The following ACADM variants were observed in gnomAD, a reference collection of about 807,000 sequenced individuals.
The protein encoded by ACADM is acyl-CoA dehydrogenase medium chain, also known as medium-chain specific acyl-CoA dehydrogenase, mitochondrial.
Under a neutral mutation model 58.9 loss-of-function variants are expected in ACADM, and 49 were observed. The observed-to-expected ratio is 0.83, with a 90% CI of 0.66 to 1.06. The LOEUF is 1.06. Among genes scored for constraint, ACADM ranks in the 50% least tolerant of loss-of-function variants. ACADM has a pLI of 0.00. For synonymous variants in ACADM, 160 were observed against 157.7 expected (o/e 1.01, Z -0.11); for missense variants, 496 against 507.0 (o/e 0.98, Z 0.21).
intron 10 of ACADM, 119 bp downstream of exon 10, chr1:75,750,665 G>A: frequency 1.3e-6 from 1 of 776,982 alleles, no homozygotes; most frequent in Non-Finnish European, 2.2e-6. Flanking sequence ...AGAAGATAAT[G>A]TGGTTTTATC....
At chr1:75,731,592 A>G (rs900875149) in intron 2 of ACADM, among the ~76,000 whole-genome samples, 5 of 152,202 alleles carry the variant, frequency 3.3e-5, no homozygotes, top group South Asian at 2.1e-4. Context: ...TTTTAAAACA[A>G]TCCCTTATTT....
chr1:75,743,185 C>T (rs544389007), intron 7 of ACADM, among the ~76,000 whole-genome samples: 23 of 142,610 alleles, frequency 1.6e-4, no homozygotes, highest in African/African-American at 6.0e-4. Flanking sequence ...CTCTCTCTCT[C>T]AAGCCTAAGG....
At position 75,749,572 on chromosome 1, in the gene ACADM, G is replaced by A. The variant is rs371896160; in HGVS notation, c.849+13G>A. The stretch of plus-strand genomic sequence containing the variant: ...AACCAGACCTGTAGTAAGTAATATG[G>A]GTTCATAATCTTTATAGGATCTTTT... On this transcript the variant is annotated intron_variant, in intron 9 of 11. Transcript: ENST00000370841. 1 of 1,610,874 alleles carries A rather than the reference G, an allele frequency of 6.2e-7. No individual in the cohort carries two copies. The highest frequency in any genetic ancestry group is 1.7e-5 in the Admixed American group (1 of 59,942).
At chr1:75,761,075 A>G (rs1213729334) in intron 10 of ACADM, 47 bp from the exon 11 acceptor site, 1 of 1,570,192 alleles carries the variant, frequency 6.4e-7, no homozygotes, top group Admixed American at 1.7e-5. Context: ...AAAAACTTTT[A>G]AGTTTTCTCA....
chr1:75,726,705 T>G (rs928001981), intron 1 of ACADM, among the ~76,000 whole-genome samples: 1 of 152,028 alleles, frequency 6.6e-6, no homozygotes, highest in Non-Finnish European at 1.5e-5. Flanking sequence ...AGACTTGACC[T>G]GGGATTCAGT....
intron 8 of ACADM, among the ~76,000 whole-genome samples, chr1:75,749,122 T>C (rs901623933): frequency 1.3e-5 from 2 of 152,232 alleles, no homozygotes; most frequent in Non-Finnish European, 2.9e-5. Context: ...TTTTAGATTA[T>C]GGTTGGCAAA....
intron 8 of ACADM, 39 bp from the exon 9 acceptor site, chr1:75,749,380 C>CA (rs752749506): frequency 2.5e-6 from 4 of 1,606,922 alleles, no homozygotes; most frequent in African/African-American, 1.3e-5. Context: ...GATGCTGGCT[C>CA]AAAAAAAATT....
intron 2 of ACADM, among the ~76,000 whole-genome samples, chr1:75,728,953 AT>A (rs999922347): frequency 6.6e-6 from 1 of 151,974 alleles, no homozygotes; most frequent in African/African-American, 2.4e-5. Context: ...GGGAGCCATG[AT>A]TTTTTTTCCT....
chr1:75,738,918 G>A (rs1470611159), intron 6 of ACADM, among the ~76,000 whole-genome samples: 1 of 152,062 alleles, frequency 6.6e-6, no homozygotes, highest in East Asian at 1.9e-4. Flanking sequence ...AGCTCTAAGA[G>A]GCTCCCCTGT....
rs567390346 is a variant in ACADM, at chr1:75,752,006, T to C, written c.945+1460T>C. 2.6e-5 allele frequency among the ~76,000 whole-genome samples: 4 copies of C among 151,676 alleles called. No homozygotes were observed. In the South Asian group the frequency reaches 8.3e-4, roughly 32 times the overall value. On this transcript the variant is annotated intron_variant, in intron 10 of 11. Coordinates refer to ENST00000370841, the MANE Select transcript of ACADM (RefSeq NM_000016.6). ...AACCTCCTATTTCTCTTTTTTTTTT[T>C]TTTTGAGACAGGGTCTTGGTTGCCC...
At chr1:75,737,892 AGATGTTT>A (rs1647356761) in intron 6 of ACADM, among the ~76,000 whole-genome samples, 1 of 151,942 alleles carries the variant, frequency 6.6e-6, no homozygotes, top group African/African-American at 2.4e-5. Context: ...ATTGCCCTTC[AGATGTTT>A]GAGTATAGTT....
chr1:75,728,016 A>G (rs144715117), intron 1 of ACADM, among the ~76,000 whole-genome samples: 4 of 152,246 alleles, frequency 2.6e-5, no homozygotes, highest in Non-Finnish European at 4.4e-5. Flanking sequence ...TCTTGAACAC[A>G]GTATGTTCAC....
chr1:75,745,621 C>T (rs1647853443), intron 7 of ACADM, 185 bp from the exon 8 acceptor site: 1 of 621,218 alleles, frequency 1.6e-6, no homozygotes, highest in Non-Finnish European at 2.9e-6. Context: ...ACATAGACCT[C>T]AAATACTAGC....
chr1:75,737,306 A>G lies in ACADM; in HGVS notation c.468+2435A>G, dbSNP rs1022735673. 1.0e-3 allele frequency among the ~76,000 whole-genome samples: 106 copies of G among 104,440 alleles called. 7 individuals are homozygous for G. Among genetic ancestry groups the G allele is most frequent in the Non-Finnish European group, 1.1e-3 (51 of 47,066 alleles). The allele number at this position is 104,440 out of a possible 152,430, so 68.5% of individuals were successfully genotyped here. ...TATATATATATATATATATATATATATATATATATATATATATATATGAAA... is the reference window on the plus strand; with the variant it reads ...TATATATATATATATATATATATATGTATATATATATATATATATATGAAA... On this transcript the variant is annotated intron_variant, in intron 6 of 11. Transcript: ENST00000370841.
intron 10 of ACADM, among the ~76,000 whole-genome samples, chr1:75,757,571 G>A (rs1570904126): frequency 1.3e-5 from 2 of 152,200 alleles, no homozygotes; most frequent in South Asian, 4.1e-4. Flanking sequence ...TGCTGGAGAG[G>A]ATGTGGAGAA....
At chr1:75,737,023 A>G (rs1012942643) in intron 6 of ACADM, among the ~76,000 whole-genome samples, 13 of 151,868 alleles carry the variant, frequency 8.6e-5, no homozygotes, top group Admixed American at 6.6e-4. Context: ...TATGCTATAA[A>G]TTGTTTCACT....
intron 4 of ACADM, 71 bp downstream of exon 4, chr1:75,732,993 A>G (rs1647174060): frequency 6.2e-7 from 1 of 1,613,152 alleles, no homozygotes; most frequent in Non-Finnish European, 8.5e-7. Context: ...CTACTCAGTC[A>G]TTTTTTTCAA....
In ACADM at chr1:75,753,795, C is replaced by CTTTTTTTTTTTTTTTTTTTTTTTTTTTTT. The variant is rs71071962; in HGVS notation, c.945+3268_945+3269insTTTTTTTTTTTTTTTTTTTTTTTTTTTTT. On this transcript the variant is annotated intron_variant, in intron 10 of 11. Transcript: ENST00000370841. ...GCACTCTGCAAAATGCTGATAGCTT[C>CTTTTTTTTTTTTTTTTTTTTTTTTTTTTT]TTTTTTTTTTTTTTTTTTTGAGACA... Among the ~76,000 whole-genome samples, 50 of 81,900 alleles carry CTTTTTTTTTTTTTTTTTTTTTTTTTTTTT rather than the reference C, an allele frequency of 6.1e-4. 13 individuals carry two copies. The highest frequency in any genetic ancestry group is 2.0e-3 in the African/African-American group (33 of 16,464). 53.7% of individuals were successfully genotyped at this position (81,900 alleles called of 152,430 possible). A position where few individuals can be genotyped will look rare whatever the true frequency, so the allele number is the denominator to read the frequency against.
chr1:75,752,077 G>A (rs1648238534), intron 10 of ACADM, among the ~76,000 whole-genome samples: 1 of 150,098 alleles, frequency 6.7e-6, no homozygotes, highest in Non-Finnish European at 1.5e-5. Context: ...CAGCCTCTTG[G>A]GATCAAGCAA....
Sources: allele counts gnomAD v4.1 joint callset (sites outside exome capture counted in the v4.1 genomes callset), GRCh38; gene constraint gnomAD v4.1.1; transcripts MANE v1.5; gene names NCBI Gene and HGNC (gene_info 2026-07-23, HGNC 2026-07-21).